The following RSF1 variants were observed in gnomAD, a reference collection of about 807,000 sequenced individuals.
RSF1 encodes remodeling and spacing factor 1.
A neutral mutation model predicts 145.2 loss-of-function variants in RSF1; 13 were observed. The ratio of observed to expected loss-of-function variants is 0.09; its 90% CI spans 0.06 to 0.14. The LOEUF is 0.14. Ranked by LOEUF, RSF1 falls within the 10% of genes least tolerant of loss-of-function variation. The pLI is 1.00. For synonymous variants in RSF1, 577 were observed against 592.6 expected, an observed-to-expected ratio of 0.97 and a Z score of 0.38; for missense variants, 1,517 against 1,718.2, an observed-to-expected ratio of 0.88 and a Z score of 2.07.
the RSF1 span, chr11:77,869,818 G>A: frequency 1.2e-6 from 2 of 1,613,264 alleles, no homozygotes; most frequent in Non-Finnish European, 1.7e-6. Flanking sequence ...GGCCTTGAAG[G>A]TAGGTGTTGG....
At chr11:77,796,032 T>C (rs1948568800) in intron 1 of RSF1, among the ~76,000 whole-genome samples, 1 of 152,224 alleles carries the variant, frequency 6.6e-6, no homozygotes, top group Admixed American at 6.5e-5. Flanking sequence ...GTAGTTTGTA[T>C]TTCTGTGGGA....
chr11:77,691,819 A>C (rs1474444228), intron 8 of RSF1: 1 of 152,300 alleles, frequency 6.6e-6, no homozygotes, highest in Non-Finnish European at 1.5e-5. Flanking sequence ...GAGCTGAAAA[A>C]TGTACTTGAT....
intron 9 of RSF1, 183 bp downstream of exon 9, chr11:77,690,976 A>G (rs766314263): frequency 3.2e-5 from 17 of 533,642 alleles, no homozygotes; most frequent in Non-Finnish European, 5.3e-5. Context: ...TTTCCCCCCA[A>G]TCATTTAAAA....
At chr11:77,833,612 G>A in the RSF1 span, among the ~76,000 whole-genome samples, 3 of 152,188 alleles carry the variant, frequency 2.0e-5, no homozygotes, top group Admixed American at 6.5e-5. Context: ...TAGCAGGCCT[G>A]TACCCAGGGG....
At chr11:77,869,043 T>C in the RSF1 span, 2 of 341,386 alleles carry the variant, frequency 5.9e-6, no homozygotes, top group Non-Finnish European at 5.5e-6. Flanking sequence ...GGGACATTCC[T>C]TTTTGAACAG....
At chr11:77,732,978 T>C (rs1961244434) in intron 4 of RSF1, among the ~76,000 whole-genome samples, 1 of 152,252 alleles carries the variant, frequency 6.6e-6, no homozygotes, top group Non-Finnish European at 1.5e-5. Context: ...CATCCCTTTT[T>C]ATTGCTTAGT....
chr11:77,860,126 T>G, the RSF1 span, among the ~76,000 whole-genome samples: 1 of 152,210 alleles, frequency 6.6e-6, no homozygotes, highest in Non-Finnish European at 1.5e-5. Flanking sequence ...CTATCCCTGT[T>G]TTTTCTGTGA....
At chr11:77,779,619 T>C (rs1948383629) in intron 1 of RSF1, among the ~76,000 whole-genome samples, 1 of 152,108 alleles carries the variant, frequency 6.6e-6, no homozygotes, top group South Asian at 2.1e-4. Context: ...TGACCTCAGG[T>C]GATCTGCCCA....
chr11:77,783,841 CAA>C (rs993858289), intron 1 of RSF1, among the ~76,000 whole-genome samples: 1 of 145,000 alleles, frequency 6.9e-6, no homozygotes. Flanking sequence ...GACCCGATTT[CAA>C]AAAAAAAAAG....
chr11:77,810,599 T>C (rs758281438), intron 1 of RSF1, among the ~76,000 whole-genome samples: 1 of 152,156 alleles, frequency 6.6e-6, no homozygotes, highest in Non-Finnish European at 1.5e-5. Context: ...CTCCCTCTGT[T>C]GCCCAGATTG....
chr11:77,690,670 G>A (rs1416458219), intron 9 of RSF1, among the ~76,000 whole-genome samples: 3 of 152,072 alleles, frequency 2.0e-5, no homozygotes, highest in South Asian at 2.1e-4. Context: ...TGCCTGCCTC[G>A]GCCTCTCAAA....
At chr11:77,852,114 C>G in the RSF1 span, among the ~76,000 whole-genome samples, 1 of 150,172 alleles carries the variant, frequency 6.7e-6, no homozygotes, top group Non-Finnish European at 1.5e-5. Flanking sequence ...CATCTGTAAT[C>G]CCAGCACTTT....
intron 2 of RSF1, among the ~76,000 whole-genome samples, chr11:77,758,221 C>G (rs1388251845): frequency 6.6e-6 from 1 of 151,980 alleles, no homozygotes; most frequent in African/African-American, 2.4e-5. Context: ...GGTTTTACCA[C>G]TCACAAAAGA....
At chr11:77,681,615 G>A (rs1959864353) in intron 11 of RSF1, among the ~76,000 whole-genome samples, 1 of 152,198 alleles carries the variant, frequency 6.6e-6, no homozygotes, top group African/African-American at 2.4e-5. Context: ...GAAACACTAG[G>A]TGAATGCAGA....
At chr11:77,670,414 T>C (rs767886450) in intron 15 of RSF1, among the ~76,000 whole-genome samples, 5 of 152,198 alleles carry the variant, frequency 3.3e-5, no homozygotes, top group Non-Finnish European at 5.9e-5. Flanking sequence ...AGGATTTCCT[T>C]AGTATATTAT....
chr11:77,760,972 T>C (rs1432752828), intron 2 of RSF1, among the ~76,000 whole-genome samples: 1 of 151,970 alleles, frequency 6.6e-6, no homozygotes, highest in African/African-American at 2.4e-5. Context: ...AGTGCAGTGG[T>C]GCAATCTCGG....
chr11:77,701,998 T>C lies in RSF1; in HGVS notation c.1231A>G (p.Lys411Glu). Residue 411 changes from lysine (K) to glutamate (E), a missense_variant, in exon 6 of 16, where the codon AAA becomes GAA. Lys to Glu is a moderately conservative substitution (Grantham distance 56, BLOSUM62 1). Around this residue, in one of 12 missense-constraint regions of RSF1, gnomAD observed 579 missense variants for 553.5 expected, o/e 1.05. Coordinates refer to ENST00000308488, the MANE Select transcript of RSF1 (RefSeq NM_016578.4). The stretch of plus-strand genomic sequence containing the variant: ...TTTATTTCATCTTTCAAAAACTCTT[T>C]TGTTGGAGTAACTGATTTACACAAA... ...GPLCKSVTPT[K>E]EFLKDEIKQE... The C allele has an allele frequency of 6.2e-7, 1 of 1,614,060 alleles. No individual in the cohort carries two copies. The highest frequency in any genetic ancestry group is 8.5e-7 in the Non-Finnish European group (1 of 1,179,982).
chr11:77,789,757 G>A (rs981566326), intron 1 of RSF1, among the ~76,000 whole-genome samples: 1 of 152,178 alleles, frequency 6.6e-6, no homozygotes, highest in Non-Finnish European at 1.5e-5. Flanking sequence ...ACACCAACAG[G>A]GAGCCTGAGG....
At position 77,662,850 on chromosome 11, in the gene RSF1, A is replaced by G. The variant is rs1959262080; in HGVS notation, c.*4067T>C. The G allele has an allele frequency of 7.9e-5, 12 of 152,300 alleles. No homozygotes were observed. The South Asian group carries it at 2.3e-3, about 29-fold the overall frequency. 9.4% of individuals were successfully genotyped at this position (152,300 alleles called of 1,614,324 possible). On this transcript the variant is annotated 3_prime_UTR_variant, in exon 16 of 16. Coordinates refer to ENST00000308488, the MANE Select transcript of RSF1 (RefSeq NM_016578.4). ...TTCTCTGCTTCTTCGAGAATGAGGA[A>G]TATATTTTGAGAATGTCAAACATCA... is the stretch of plus-strand genomic sequence containing the variant.
Sources: allele counts gnomAD v4.1 joint callset (sites outside exome capture counted in the v4.1 genomes callset), GRCh38; gene constraint gnomAD v4.1.1; regional missense constraint gnomAD v4.1.1; transcripts MANE v1.5; gene names NCBI Gene and HGNC (gene_info 2026-07-23, HGNC 2026-07-21).